GRIA3: variants seen among roughly 807,000 people sequenced by gnomAD.
GRIA3 encodes the protein glutamate ionotropic receptor AMPA type subunit 3.
In GRIA3, 3 loss-of-function variants were observed where a neutral mutation model predicts 63.0. The ratio of observed to expected loss-of-function variants is 0.05; its 90% CI spans 0.02 to 0.12. GRIA3 has a LOEUF of 0.12. Among genes scored for constraint, GRIA3 ranks in the 10% least tolerant of loss-of-function variants. GRIA3 has a pLI of 1.00. For missense variants in GRIA3, 347 were observed against 700.9 expected (o/e 0.50, Z 5.70); for synonymous variants, 274 against 257.9 (o/e 1.06, Z -0.60).
intron 3 of GRIA3, among the ~76,000 whole-genome samples, chrX:123,295,211 C>T (rs747826548): frequency 2.7e-5 from 3 of 111,449 alleles, no homozygotes; most frequent in Non-Finnish European, 3.8e-5. Flanking sequence ...TCAGCCTTTG[C>T]GAATGGGCCT....
chrX:123,235,091 G>A (rs976731404), intron 2 of GRIA3, among the ~76,000 whole-genome samples: 1 of 111,848 alleles, frequency 8.9e-6, no homozygotes, highest in African/African-American at 3.2e-5. Flanking sequence ...CAAAAACAAT[G>A]TAGGAAAATA....
intron 15 of GRIA3, among the ~76,000 whole-genome samples, chrX:123,488,076 G>A (rs2045950636): frequency 8.9e-6 from 1 of 111,931 alleles, no homozygotes; most frequent in South Asian, 3.8e-4. Flanking sequence ...GCACTAGTTA[G>A]TGCCTCCAAA....
At chrX:123,198,456 G>A (rs1050604917) in intron 2 of GRIA3, among the ~76,000 whole-genome samples, 1 of 112,060 alleles carries the variant, frequency 8.9e-6, no homozygotes, top group African/African-American at 3.2e-5. Flanking sequence ...ACAGAGTAGC[G>A]AAGTGGTTGG....
intron 12 of GRIA3, among the ~76,000 whole-genome samples, chrX:123,452,561 G>A (rs5911623): frequency 0.26 from 28,458 of 110,670 alleles, 3,176 homozygotes; most frequent in Middle Eastern, 0.37. Context: ...ACATTTTCCC[G>A]CTCATTTCCT....
chrX:123,204,817 C>G (rs1403062236), intron 2 of GRIA3: 2 of 265,693 alleles, frequency 7.5e-6, no homozygotes, highest in East Asian at 2.2e-4. Flanking sequence ...CCTGGAAATC[C>G]CATAGCTCAT....
intron 5 of GRIA3, among the ~76,000 whole-genome samples, chrX:123,378,551 C>T (rs1297922758): frequency 5.5e-5 from 6 of 109,392 alleles, no homozygotes; most frequent in Non-Finnish European, 1.1e-4. Flanking sequence ...GCTGGGACTA[C>T]AGGTGTGCAC....
chrX:123,184,373 C>G lies in GRIA3; in HGVS notation c.-163C>G. The G allele has an allele frequency of 2.0e-6, 1 of 494,780 alleles. No individual in the cohort carries two copies. The allele number at this position is 494,780 out of a possible 1,213,427, so 40.8% of individuals were successfully genotyped here. The stretch of plus-strand genomic sequence containing the variant: ...GAGGAAGAAGAGGAGGCGGCGGCAG[C>G]GGAGGAGGAGGAGGACTAGTGTGGG... On this transcript the variant is annotated 5_prime_UTR_variant, in exon 1 of 16. Coordinates refer to ENST00000620443, the MANE Select transcript of GRIA3 (RefSeq NM_007325.5).
intron 12 of GRIA3, among the ~76,000 whole-genome samples, chrX:123,442,420 C>A (rs2045679333): frequency 9.0e-6 from 1 of 111,607 alleles, no homozygotes; most frequent in Non-Finnish European, 1.9e-5. Flanking sequence ...CCCCAAGGGA[C>A]AGAACAAAGA....
chrX:123,439,225 G>T (rs1318840553), intron 12 of GRIA3, among the ~76,000 whole-genome samples: 1 of 111,984 alleles, frequency 8.9e-6, no homozygotes, highest in Admixed American at 9.5e-5. Context: ...GATAAAAATG[G>T]AACTCATTGT....
At chrX:123,274,983 G>A (rs779807608) in intron 3 of GRIA3, among the ~76,000 whole-genome samples, 1 of 111,129 alleles carries the variant, frequency 9.0e-6, no homozygotes, top group South Asian at 3.9e-4. Flanking sequence ...AGTGGCTAAC[G>A]CACCTACCAA....
chrX:123,279,275 T>A (rs2044572064), intron 3 of GRIA3, among the ~76,000 whole-genome samples: 1 of 111,250 alleles, frequency 9.0e-6, no homozygotes, highest in Admixed American at 9.6e-5. Flanking sequence ...TACAGTTATA[T>A]AGGAGGAAGA....
chrX:123,413,414 G>T (rs2045517702), intron 10 of GRIA3, among the ~76,000 whole-genome samples: 1 of 107,357 alleles, frequency 9.3e-6, no homozygotes, highest in Non-Finnish European at 1.9e-5. Context: ...TGATACTAGA[G>T]GGGTATTTGC....
chrX:123,432,249 C>T (rs2045622092), intron 12 of GRIA3, among the ~76,000 whole-genome samples: 1 of 112,053 alleles, frequency 8.9e-6, no homozygotes, highest in African/African-American at 3.2e-5. Flanking sequence ...GAAAACTCTA[C>T]CCCACAAAAT....
At chrX:123,374,271 G>C (rs961678512) in intron 5 of GRIA3, among the ~76,000 whole-genome samples, 42 of 111,894 alleles carry the variant, frequency 3.8e-4, no homozygotes, top group African/African-American at 1.2e-3. Flanking sequence ...TTGTAGTATA[G>C]TTTGAAGTCA....
At chrX:123,234,127 C>A (rs1474603494) in intron 2 of GRIA3, among the ~76,000 whole-genome samples, 1 of 111,023 alleles carries the variant, frequency 9.0e-6, no homozygotes, top group Non-Finnish European at 1.9e-5. Context: ...CCTTCTGTGG[C>A]CTCTCCTTCT....
intron 5 of GRIA3, among the ~76,000 whole-genome samples, chrX:123,355,199 A>G (rs1489590230): frequency 8.9e-6 from 1 of 112,485 alleles, no homozygotes; most frequent in Non-Finnish European, 1.9e-5. Context: ...ATGATTCATT[A>G]CTTATTTTTA....
rs761156919 is a variant in GRIA3, at chrX:123,423,676, T to A, written c.1878-4265T>A. The stretch of plus-strand genomic sequence containing the variant: ...TTAAATGGAGTATAGAAATGATGCA[T>A]ACTTTGGAAGAAAGAAGAGAAAAAA... On this transcript the variant is annotated intron_variant, in intron 11 of 15. Transcript: ENST00000620443. Among the ~76,000 whole-genome samples the A allele has an allele frequency of 1.2e-4, 13 of 111,654 alleles. No individual in the cohort carries two copies. The East Asian group carries it at 3.6e-3, about 31-fold the overall frequency.
At chrX:123,217,624 A>G (rs1928192088) in intron 2 of GRIA3, among the ~76,000 whole-genome samples, 1 of 112,149 alleles carries the variant, frequency 8.9e-6, no homozygotes, top group South Asian at 3.8e-4. Flanking sequence ...GATCTGGGCC[A>G]ATACACCAAT....
chrX:123,469,961 G>A (rs112291381), intron 13 of GRIA3, among the ~76,000 whole-genome samples: 7 of 111,965 alleles, frequency 6.3e-5, no homozygotes, highest in African/African-American at 2.3e-4. Flanking sequence ...TCAGTGAAAC[G>A]AGCTATTTGT....
Sources: gnomAD v4.1 joint callset for allele counts (sites outside exome capture counted in the v4.1 genomes callset) on GRCh38, gnomAD v4.1.1 for gene constraint, MANE v1.5 for transcripts, NCBI Gene and HGNC (gene_info 2026-07-23, HGNC 2026-07-21) for gene names.